RUNX2: variants seen among roughly 807,000 people sequenced by gnomAD.
RUNX2 encodes RUNX family transcription factor 2.
A neutral mutation model predicts 51.7 loss-of-function variants in RUNX2; 10 were observed. That is an observed-to-expected ratio of 0.19 (90% CI 0.12 to 0.33). The LOEUF (loss-of-function observed/expected upper bound fraction) is 0.33. Among genes scored for constraint, RUNX2 ranks in the 10% least tolerant of loss-of-function variants. The pLI is 1.00. For missense variants in RUNX2, 562 were observed against 691.3 expected, an observed-to-expected ratio of 0.81 and a Z score of 2.10; for synonymous variants, 276 against 273.6, an observed-to-expected ratio of 1.01 and a Z score of -0.09.
intron 5 of RUNX2, among the ~76,000 whole-genome samples, chr6:45,451,220 G>A (rs1005517196): frequency 1.3e-5 from 2 of 152,158 alleles, no homozygotes; most frequent in African/African-American, 4.8e-5. Context: ...AATCGAGTGG[G>A]AGGAGGTGGA....
intron 7 of RUNX2, among the ~76,000 whole-genome samples, chr6:45,528,147 C>T (rs1243686121): frequency 6.6e-6 from 1 of 152,016 alleles, no homozygotes; most frequent in Non-Finnish European, 1.5e-5. Context: ...TGGAAGAGAC[C>T]CACCCCCATG....
chr6:45,365,548 T>C (rs1354913321), intron 2 of RUNX2, among the ~76,000 whole-genome samples: 1 of 151,550 alleles, frequency 6.6e-6, no homozygotes, highest in Non-Finnish European at 1.5e-5. Context: ...TTAGCACCTA[T>C]TTTACAATAG....
At chr6:45,334,131 G>A (rs1788068738) in intron 2 of RUNX2, among the ~76,000 whole-genome samples, 1 of 151,022 alleles carries the variant, frequency 6.6e-6, no homozygotes, top group Admixed American at 6.6e-5. Context: ...TTATACATTA[G>A]TTACATCAGA....
chr6:45,487,360 C>T lies in RUNX2; in HGVS notation c.686-4581C>T, dbSNP rs914181807. On this transcript the variant is annotated intron_variant, in intron 5 of 8. Transcript: ENST00000647337. ...ATGTCCCCTCTCAGGGACTCAGGGT[C>T]CTCATCCATAAAAGAAGCATGTTAC... Among the ~76,000 whole-genome samples, 12 of 152,212 alleles carry T rather than the reference C, an allele frequency of 7.9e-5. No individual in the cohort carries two copies. The South Asian group carries it at 2.5e-3, about 32-fold the overall frequency.
At chr6:45,534,178 A>G (rs958535358) in intron 7 of RUNX2, among the ~76,000 whole-genome samples, 2 of 152,064 alleles carry the variant, frequency 1.3e-5, no homozygotes, top group African/African-American at 4.8e-5. Flanking sequence ...TACAGACCTG[A>G]GCCACCACGC....
intron 2 of RUNX2, among the ~76,000 whole-genome samples, chr6:45,399,995 AG>A (rs1165390432): frequency 1.4e-5 from 2 of 140,390 alleles, no homozygotes; most frequent in African/African-American, 5.2e-5. Context: ...GAAAGGAGGG[AG>A]GGAGGGAAGA....
chr6:45,515,693 A>T (rs1011063257), intron 7 of RUNX2, among the ~76,000 whole-genome samples: 2 of 152,204 alleles, frequency 1.3e-5, no homozygotes, highest in African/African-American at 2.4e-5. Context: ...AACTCCTCAA[A>T]TGTTTCCCAT....
intron 3 of RUNX2, among the ~76,000 whole-genome samples, chr6:45,423,797 G>A (rs1409281346): frequency 2.0e-5 from 3 of 152,192 alleles, no homozygotes; most frequent in Non-Finnish European, 4.4e-5. Context: ...AAGCGGGGGC[G>A]TTCAGGGGGC....
At chr6:45,450,769 G>A (rs1026136940) in intron 5 of RUNX2, among the ~76,000 whole-genome samples, 4 of 152,180 alleles carry the variant, frequency 2.6e-5, no homozygotes, top group African/African-American at 7.2e-5. Flanking sequence ...AACACAGTCA[G>A]TATCAGAATC....
chr6:45,422,563 T>C, intron 2 of RUNX2, 30 bp from the exon 3 acceptor site: 2 of 1,344,718 alleles, frequency 1.5e-6, no homozygotes, highest in Non-Finnish European at 9.8e-7. Flanking sequence ...CTTCGCTAAC[T>C]TGTGGCTGTT....
At chr6:45,367,796 A>G (rs1233519262) in intron 2 of RUNX2, among the ~76,000 whole-genome samples, 2 of 152,160 alleles carry the variant, frequency 1.3e-5, no homozygotes, top group Non-Finnish European at 2.9e-5. Flanking sequence ...AAATCCAGTC[A>G]CCAAACCTAG....
intron 8 of RUNX2, among the ~76,000 whole-genome samples, chr6:45,546,030 T>C (rs1400096324): frequency 3.9e-5 from 6 of 152,266 alleles, no homozygotes; most frequent in Admixed American, 2.0e-4. Flanking sequence ...AGTGCCCTCC[T>C]CTTAATCTCC....
intron 2 of RUNX2, among the ~76,000 whole-genome samples, chr6:45,395,610 A>G (rs1284287553): frequency 6.6e-6 from 1 of 152,216 alleles, no homozygotes; most frequent in Non-Finnish European, 1.5e-5. Flanking sequence ...ATGGTTCTTT[A>G]CCTTACATTA....
intron 7 of RUNX2, among the ~76,000 whole-genome samples, chr6:45,543,875 G>T (rs1341275127): frequency 6.6e-6 from 1 of 151,562 alleles, no homozygotes; most frequent in Non-Finnish European, 1.5e-5. Flanking sequence ...TTAAAAATTT[G>T]AAGATTAGGA....
intron 6 of RUNX2, among the ~76,000 whole-genome samples, chr6:45,492,361 T>C (rs569430320): frequency 8.5e-5 from 13 of 152,320 alleles, no homozygotes; most frequent in African/African-American, 3.1e-4. Flanking sequence ...GTCTACACCC[T>C]GGTGGAACGG....
chr6:45,487,658 C>T (rs756302741), intron 5 of RUNX2, among the ~76,000 whole-genome samples: 7 of 151,930 alleles, frequency 4.6e-5, no homozygotes, highest in Non-Finnish European at 1.0e-4. Context: ...AATATGATGT[C>T]CTGGACCAGA....
At chr6:45,493,734 G>A (rs925331434) in intron 6 of RUNX2, among the ~76,000 whole-genome samples, 3 of 148,928 alleles carry the variant, frequency 2.0e-5, no homozygotes, top group Admixed American at 6.6e-5. Flanking sequence ...CTTAGACTGT[G>A]TGTGTGTGTG....
At chr6:45,386,557 C>T (rs549722515) in intron 2 of RUNX2, among the ~76,000 whole-genome samples, 1 of 152,296 alleles carries the variant, frequency 6.6e-6, no homozygotes, top group African/African-American at 2.4e-5. Flanking sequence ...CCTCAGTTGT[C>T]TTCAAGGTCT....
intron 5 of RUNX2, among the ~76,000 whole-genome samples, chr6:45,487,026 T>C (rs1800303524): frequency 6.6e-6 from 1 of 152,214 alleles, no homozygotes; most frequent in East Asian, 1.9e-4. Flanking sequence ...CTCATTTGTC[T>C]TTGCTCTAAG....
Sources: allele counts gnomAD v4.1 joint callset (sites outside exome capture counted in the v4.1 genomes callset), GRCh38; gene constraint gnomAD v4.1.1; transcripts MANE v1.5; gene names NCBI Gene and HGNC (gene_info 2026-07-23, HGNC 2026-07-21).